Variants in NKAIN2 observed in about 807,000 individuals in gnomAD.
The protein encoded by NKAIN2 is sodium/potassium transporting ATPase interacting 2, also known as sodium/potassium-transporting ATPase subunit beta-1-interacting protein 2.
In NKAIN2, 14 loss-of-function variants were observed where a neutral mutation model predicts 32.6. The observed-to-expected ratio is 0.43, with a 90% CI of 0.28 to 0.67. The LOEUF is 0.67. Ranked by LOEUF, NKAIN2 falls within the 30% of genes least tolerant of loss-of-function variation. NKAIN2 has a pLI of 0.17. For missense variants in NKAIN2, 198 were observed against 258.3 expected, an observed-to-expected ratio of 0.77 and a Z score of 1.60; for synonymous variants, 80 against 87.2, an observed-to-expected ratio of 0.92 and a Z score of 0.46.
intron 1 of NKAIN2, among the ~76,000 whole-genome samples, chr6:123,859,478 A>G (rs918556759): frequency 6.6e-6 from 1 of 151,536 alleles, no homozygotes; most frequent in Non-Finnish European, 1.5e-5. Flanking sequence ...TGGACTTGTA[A>G]GTTGCAAGAT....
At chr6:124,570,471 G>A (rs566100209) in intron 3 of NKAIN2, among the ~76,000 whole-genome samples, 6 of 152,094 alleles carry the variant, frequency 3.9e-5, no homozygotes, top group African/African-American at 1.4e-4. Context: ...TCCCTGCGCT[G>A]TGTGCAGCCC....
intron 1 of NKAIN2, among the ~76,000 whole-genome samples, chr6:124,189,820 C>T (rs540227208): frequency 7.2e-5 from 11 of 152,304 alleles, no homozygotes; most frequent in East Asian, 1.9e-4. Flanking sequence ...GTTGCACACA[C>T]GGAGGGAAGA....
chr6:124,306,381 C>T (rs977361377), intron 2 of NKAIN2, among the ~76,000 whole-genome samples: 3 of 152,032 alleles, frequency 2.0e-5, no homozygotes, highest in Admixed American at 6.6e-5. Flanking sequence ...ATCTGATATA[C>T]ATTAGAAAGG....
chr6:124,803,367 G>T (rs1338888443), intron 5 of NKAIN2, among the ~76,000 whole-genome samples: 1 of 152,134 alleles, frequency 6.6e-6, no homozygotes, highest in East Asian at 1.9e-4. Context: ...CATTCTGCCT[G>T]ATCCAGGACA....
intron 1 of NKAIN2, among the ~76,000 whole-genome samples, chr6:124,145,215 C>T (rs1449821392): frequency 6.6e-6 from 1 of 152,148 alleles, no homozygotes; most frequent in East Asian, 1.9e-4. Context: ...AACATTTTGG[C>T]AGTTCCTTAT....
At chr6:124,691,280 T>C (rs1407211140) in intron 4 of NKAIN2, among the ~76,000 whole-genome samples, 2 of 152,150 alleles carry the variant, frequency 1.3e-5, no homozygotes, top group Non-Finnish European at 2.9e-5. Context: ...ATCTCTGCTC[T>C]AATCACTACA....
At chr6:124,509,753 A>C (rs987882084) in intron 3 of NKAIN2, among the ~76,000 whole-genome samples, 1 of 152,104 alleles carries the variant, frequency 6.6e-6, no homozygotes, top group African/African-American at 2.4e-5. Flanking sequence ...TTCTAAGTTG[A>C]CCCTCACTTT....
chr6:124,363,756 A>G (rs2114289577), intron 3 of NKAIN2, among the ~76,000 whole-genome samples: 1 of 152,306 alleles, frequency 6.6e-6, no homozygotes, highest in South Asian at 2.1e-4. Context: ...CCATCACTTT[A>G]TCTCTCTAGT....
chr6:124,024,300 A>G (rs1781006693), intron 1 of NKAIN2, among the ~76,000 whole-genome samples: 1 of 152,122 alleles, frequency 6.6e-6, no homozygotes, highest in Admixed American at 6.6e-5. Context: ...TCATATACCC[A>G]GATTACTCAT....
intron 3 of NKAIN2, among the ~76,000 whole-genome samples, chr6:124,404,240 G>A (rs1773749471): frequency 6.6e-6 from 1 of 152,084 alleles, no homozygotes; most frequent in Admixed American, 6.6e-5. Flanking sequence ...AAGATAGGAG[G>A]ATTTCTCTAC....
chr6:124,308,668 C>T (rs1796606766), intron 2 of NKAIN2, among the ~76,000 whole-genome samples: 2 of 152,134 alleles, frequency 1.3e-5, no homozygotes, highest in African/African-American at 4.8e-5. Context: ...CAAATTAAAT[C>T]TATCTTCTCC....
intron 1 of NKAIN2, among the ~76,000 whole-genome samples, chr6:123,937,426 T>G (rs1438349599): frequency 6.6e-6 from 1 of 152,108 alleles, no homozygotes; most frequent in East Asian, 1.9e-4. Context: ...CTAATTAAAT[T>G]TGAATGCTTT....
At chr6:124,078,488 A>G (rs2114899841) in intron 1 of NKAIN2, among the ~76,000 whole-genome samples, 1 of 152,262 alleles carries the variant, frequency 6.6e-6, no homozygotes, top group Non-Finnish European at 1.5e-5. Flanking sequence ...GGAAATTGCA[A>G]TATAGAGAGG....
chr6:124,755,427 A>G (rs1777919796), intron 4 of NKAIN2, among the ~76,000 whole-genome samples: 1 of 152,104 alleles, frequency 6.6e-6, no homozygotes, highest in Non-Finnish European at 1.5e-5. Flanking sequence ...CCTCATAGAC[A>G]TACCCAGAAA....
At chr6:124,032,452 A>T (rs916610120) in intron 1 of NKAIN2, among the ~76,000 whole-genome samples, 2 of 152,056 alleles carry the variant, frequency 1.3e-5, no homozygotes, top group African/African-American at 4.8e-5. Flanking sequence ...AAACATCTTT[A>T]AAAAAATAGT....
At chr6:124,104,353 G>A (rs1029066153) in intron 1 of NKAIN2, among the ~76,000 whole-genome samples, 28 of 152,096 alleles carry the variant, frequency 1.8e-4, no homozygotes, top group African/African-American at 6.3e-4. Flanking sequence ...GTGTTGCTGA[G>A]GTGGTAGTTG....
chr6:124,165,799 G>A (rs1419370854), intron 1 of NKAIN2, among the ~76,000 whole-genome samples: 3 of 146,926 alleles, frequency 2.0e-5, no homozygotes, highest in African/African-American at 7.6e-5. Context: ...AGTTTACTGA[G>A]AATGATGATT....
chr6:124,347,357 A>G (rs1236015107), intron 2 of NKAIN2, among the ~76,000 whole-genome samples: 1 of 151,732 alleles, frequency 6.6e-6, no homozygotes, highest in African/African-American at 2.4e-5. Flanking sequence ...CGTTCTCTGT[A>G]TTTCCTGAAT....
At chr6:124,597,290 A>G (rs1191279694) in intron 3 of NKAIN2, among the ~76,000 whole-genome samples, 2 of 152,144 alleles carry the variant, frequency 1.3e-5, no homozygotes, top group Non-Finnish European at 2.9e-5. Context: ...ATAGCTGTCA[A>G]TGACTAAAAA....
Sources: allele counts gnomAD v4.1 joint callset (sites outside exome capture counted in the v4.1 genomes callset), GRCh38; gene constraint gnomAD v4.1.1; transcripts MANE v1.5; gene names NCBI Gene and HGNC (gene_info 2026-07-23, HGNC 2026-07-21).